The following MTSS1 variants were observed in gnomAD, a reference collection of about 807,000 sequenced individuals.
The protein encoded by MTSS1 is protein MTSS 1.
In MTSS1, 18 loss-of-function variants were observed where a neutral mutation model predicts 79.0. The ratio of observed to expected loss-of-function variants is 0.23; its 90% CI spans 0.16 to 0.34. The LOEUF (loss-of-function observed/expected upper bound fraction) is 0.34, where lower values mean the gene tolerates loss of function less well. MTSS1 is among the 10% of genes least tolerant of loss of function. The probability of loss-of-function intolerance (pLI) is 1.00; values close to 1 mark genes in which losing one functional copy is unlikely to be tolerated. For synonymous variants in MTSS1, 341 were observed against 368.6 expected (o/e 0.93, Z 0.86); for missense variants, 815 against 986.2 (o/e 0.83, Z 2.33).
chr8:124,622,488 A>G (rs1297875481), intron 3 of MTSS1, among the ~76,000 whole-genome samples: 8 of 83,728 alleles, frequency 9.6e-5, no homozygotes, highest in African/African-American at 5.8e-4. Context: ...CCATATTGAA[A>G]AAAAAAAAAA....
intron 1 of MTSS1, among the ~76,000 whole-genome samples, chr8:124,707,460 G>A (rs558841938): frequency 1.3e-5 from 2 of 151,864 alleles, no homozygotes; most frequent in Admixed American, 1.3e-4. Flanking sequence ...GCTCACGCCT[G>A]TAATCCCAGC....
intron 6 of MTSS1, among the ~76,000 whole-genome samples, chr8:124,573,460 T>C (rs1165344073): frequency 1.3e-5 from 2 of 152,226 alleles, no homozygotes; most frequent in Non-Finnish European, 2.9e-5. Context: ...TTGACGTCAG[T>C]CTCCCCTAGT....
chr8:124,703,862 A>G (rs904679759), intron 2 of MTSS1, among the ~76,000 whole-genome samples: 1 of 152,220 alleles, frequency 6.6e-6, no homozygotes, highest in African/African-American at 2.4e-5. Flanking sequence ...ACCCGTTGCT[A>G]CCTTACATAC....
chr8:124,685,518 T>C (rs1826819194), intron 3 of MTSS1, among the ~76,000 whole-genome samples: 1 of 152,120 alleles, frequency 6.6e-6, no homozygotes, highest in Admixed American at 6.5e-5. Context: ...AGGAAAGGCG[T>C]CCTGGAGGAG....
intron 1 of MTSS1, among the ~76,000 whole-genome samples, chr8:124,722,849 G>A (rs1833148509): frequency 6.6e-6 from 1 of 152,102 alleles, no homozygotes; most frequent in Non-Finnish European, 1.5e-5. Context: ...AAGTAATGGG[G>A]AACTCAAAGT....
chr8:124,690,476 G>A lies in MTSS1; in HGVS notation c.208+9050C>T, dbSNP rs80095782. On this transcript the variant is annotated intron_variant, in intron 3 of 13. Coordinates refer to ENST00000518547, the MANE Select transcript of MTSS1 (RefSeq NM_014751.6). ...TATGTTTTGGTAAATGTGGGATTCCGGTGAGTTCATTCTGGGCTAACACAT... is the reference window on the plus strand; with the variant it reads ...TATGTTTTGGTAAATGTGGGATTCCAGTGAGTTCATTCTGGGCTAACACAT... 6.4e-3 allele frequency among the ~76,000 whole-genome samples: 975 copies of A among 152,266 alleles called. 12 individuals carry two copies. Among genetic ancestry groups the A allele is most frequent in the Middle Eastern group, 0.01 (3 of 294 alleles).
chr8:124,641,836 A>G (rs1394471855), intron 3 of MTSS1, among the ~76,000 whole-genome samples: 5 of 152,246 alleles, frequency 3.3e-5, no homozygotes, highest in Non-Finnish European at 7.3e-5. Flanking sequence ...GATAAACAGA[A>G]GAGAATTTAA....
chr8:124,575,654 A>C lies in MTSS1; in HGVS notation c.461-7118T>G, dbSNP rs568385719. Among the ~76,000 whole-genome samples, 12 of 152,334 alleles carry C rather than the reference A, an allele frequency of 7.9e-5. No homozygotes were observed. In the East Asian group the frequency reaches 1.9e-3, roughly 24 times the overall value. On this transcript the variant is annotated intron_variant, in intron 6 of 13. Coordinates refer to ENST00000518547, the MANE Select transcript of MTSS1 (RefSeq NM_014751.6). The stretch of plus-strand genomic sequence containing the variant: ...CGTTTTTGATGTAAGAAAATGCAAA[A>C]GATCCCATGATTCTTTCACTACAAG...
In MTSS1 at chr8:124,556,924, A is replaced by G. The variant is rs551479701; in HGVS notation, c.1231-519T>C. Among the ~76,000 whole-genome samples the G allele has an allele frequency of 3.2e-3, 489 of 152,330 alleles. 1 individual carries two copies. Among genetic ancestry groups the G allele is most frequent in the African/African-American group, 0.011 (465 of 41,586 alleles). ...GAAGGAAAGGAAGGCGCCCAGGGGC[A>G]GTAGAAAGATTCCGAGAAGCCTTGA... On this transcript the variant is annotated intron_variant, in intron 11 of 13. Transcript: ENST00000518547.
At chr8:124,557,965 G>A (rs1824374133) in intron 10 of MTSS1, 90 bp from the exon 11 acceptor site, 1 of 1,009,534 alleles carries the variant, frequency 9.9e-7, no homozygotes, top group Non-Finnish European at 1.4e-6. Context: ...TGACATTCAA[G>A]GGAGGGGAAA....
In MTSS1 at chr8:124,727,614, A is replaced by T. The variant is rs545096311; in HGVS notation, c.72+270T>A. ...AGCCAGTGCCTTGAGCCCCCGAGGG[A>T]AAGAAATGGTGCCGCCCCCTGGGAC... On this transcript the variant is annotated intron_variant, in intron 1 of 13. Transcript: ENST00000518547. The surrounding 1 kb of genome is among the most constrained non-coding windows in gnomAD (Gnocchi z 4.7). The T allele has an allele frequency of 1.6e-6, 1 of 617,444 alleles. No individual in the cohort carries two copies. The highest frequency in any genetic ancestry group is 3.4e-5 in the East Asian group (1 of 29,406). 38.2% of individuals were successfully genotyped at this position (617,444 alleles called of 1,614,324 possible). A position where few individuals can be genotyped will look rare whatever the true frequency, so the allele number is the denominator to read the frequency against.
intron 3 of MTSS1, among the ~76,000 whole-genome samples, chr8:124,652,920 C>T (rs530776168): frequency 6.6e-5 from 10 of 152,222 alleles, no homozygotes; most frequent in Non-Finnish European, 1.0e-4. Context: ...ATCATCAACC[C>T]GTGAAAGGTT....
intron 3 of MTSS1, among the ~76,000 whole-genome samples, chr8:124,693,435 G>GA (rs1165164284): frequency 1.3e-5 from 2 of 152,172 alleles, no homozygotes; most frequent in Non-Finnish European, 2.9e-5. Flanking sequence ...CCCTTAAAGT[G>GA]AACTTCTTGA....
chr8:124,649,279 T>C (rs913641993), intron 3 of MTSS1, among the ~76,000 whole-genome samples: 1 of 152,194 alleles, frequency 6.6e-6, no homozygotes, highest in Admixed American at 6.5e-5. Context: ...AAATATTGAC[T>C]GTGTGGCCTT....
chr8:124,630,981 A>G (rs560168854), intron 3 of MTSS1, among the ~76,000 whole-genome samples: 12 of 152,330 alleles, frequency 7.9e-5, no homozygotes, highest in East Asian at 3.9e-4. Flanking sequence ...CATGTATTTA[A>G]GGCAGCATCA....
chr8:124,699,641 C>T (rs72714775), intron 2 of MTSS1, 42 bp from the exon 3 acceptor site: 356,831 of 1,580,124 alleles, frequency 0.23, 41,447 homozygotes, highest in Admixed American at 0.29. Flanking sequence ...GAATGTCTCT[C>T]CCTAGCAAAT....
At chr8:124,725,471 C>G (rs977392577) in intron 1 of MTSS1, among the ~76,000 whole-genome samples, 2 of 152,176 alleles carry the variant, frequency 1.3e-5, no homozygotes, top group Admixed American at 6.5e-5. Flanking sequence ...TTTTCTCACC[C>G]AGCCTAACAT....
intron 3 of MTSS1, among the ~76,000 whole-genome samples, chr8:124,693,341 CT>C (rs1828268771): frequency 6.6e-6 from 1 of 152,178 alleles, no homozygotes; most frequent in Non-Finnish European, 1.5e-5. Flanking sequence ...GCAACATCTC[CT>C]GGAAAGCTTT....
At chr8:124,672,981 G>C (rs1265108978) in intron 3 of MTSS1, among the ~76,000 whole-genome samples, 1 of 152,100 alleles carries the variant, frequency 6.6e-6, no homozygotes, top group Admixed American at 6.5e-5. Flanking sequence ...CCAGGAAAGA[G>C]AGCCAAGCCC....
Sources: gnomAD v4.1 joint callset for allele counts (sites outside exome capture counted in the v4.1 genomes callset) on GRCh38, gnomAD v4.1.1 for gene constraint, Gnocchi (gnomAD v3.1) non-coding constraint, MANE v1.5 for transcripts, NCBI Gene and HGNC (gene_info 2026-07-23, HGNC 2026-07-21) for gene names.